WWOX: variants seen among roughly 807,000 people sequenced by gnomAD.
The protein encoded by WWOX is WW domain containing oxidoreductase, also known as WW domain-containing oxidoreductase.
WWOX carries 69 observed loss-of-function variants against 46.2 expected under a neutral mutation model. That is an observed-to-expected ratio of 1.49 (90% CI 1.23 to 1.82). The LOEUF is 1.82. Ranked by LOEUF, WWOX falls within the 40% of genes most tolerant of loss-of-function variation. The probability of loss-of-function intolerance (pLI) is 0.00; values close to 1 mark genes in which losing one functional copy is unlikely to be tolerated. For missense variants in WWOX, 919 were observed against 542.6 expected, an observed-to-expected ratio of 1.69 and a Z score of -6.89; for synonymous variants, 359 against 202.6, an observed-to-expected ratio of 1.77 and a Z score of -6.56.
intron 5 of WWOX, among the ~76,000 whole-genome samples, chr16:78,234,989 C>T (rs1202305133): frequency 1.3e-5 from 2 of 151,700 alleles, no homozygotes; most frequent in Admixed American, 6.6e-5. Context: ...GAAAACTTAA[C>T]AGTAGGTCCT....
At chr16:78,484,602 A>G (rs1350122119) in intron 8 of WWOX, among the ~76,000 whole-genome samples, 2 of 152,342 alleles carry the variant, frequency 1.3e-5, no homozygotes, top group East Asian at 3.9e-4. Flanking sequence ...ACAATTTAAT[A>G]ATTATCAAGG....
chr16:78,849,454 G>C (rs1330531559), intron 8 of WWOX, among the ~76,000 whole-genome samples: 1 of 151,356 alleles, frequency 6.6e-6, no homozygotes, highest in Non-Finnish European at 1.5e-5. Flanking sequence ...GGCGCCTGTA[G>C]TCCCAGCTAC....
intron 8 of WWOX, among the ~76,000 whole-genome samples, chr16:78,833,795 T>A (rs999398389): frequency 6.6e-6 from 1 of 152,238 alleles, no homozygotes; most frequent in African/African-American, 2.4e-5. Context: ...TCCGATAAAT[T>A]ACCCAGAGTC....
intron 5 of WWOX, among the ~76,000 whole-genome samples, chr16:78,190,707 T>A (rs2035857688): frequency 6.6e-6 from 1 of 152,146 alleles, no homozygotes. Context: ...CAAAAACCAC[T>A]TGGTATGAAA....
intron 8 of WWOX, among the ~76,000 whole-genome samples, chr16:78,767,782 A>G (rs768718555): frequency 1.3e-5 from 2 of 152,144 alleles, no homozygotes; most frequent in Non-Finnish European, 2.9e-5. Context: ...ACCTCCCTGC[A>G]GTGTTGATTC....
At chr16:78,317,588 AGTGT>A (rs34986286) in intron 5 of WWOX, among the ~76,000 whole-genome samples, 1 of 151,722 alleles carries the variant, frequency 6.6e-6, no homozygotes, top group South Asian at 2.1e-4. Flanking sequence ...TGTGACTGTG[AGTGT>A]GTGTGTGTGT....
At chr16:78,805,069 A>G (rs932505692) in intron 8 of WWOX, among the ~76,000 whole-genome samples, 1 of 152,224 alleles carries the variant, frequency 6.6e-6, no homozygotes, top group East Asian at 1.9e-4. Flanking sequence ...AAATAAAAGT[A>G]CTTTTCTGCA....
At chr16:78,879,653 G>A (rs1262886112) in intron 8 of WWOX, among the ~76,000 whole-genome samples, 7 of 152,234 alleles carry the variant, frequency 4.6e-5, no homozygotes, top group East Asian at 1.9e-4. Flanking sequence ...CGAGGCAGGC[G>A]GATCACCTAA....
intron 8 of WWOX, among the ~76,000 whole-genome samples, chr16:79,175,329 C>A (rs2050779410): frequency 6.6e-6 from 1 of 152,172 alleles, no homozygotes; most frequent in South Asian, 2.1e-4. Context: ...AAAGACTGAC[C>A]TTTTCACTTA....
intron 8 of WWOX, among the ~76,000 whole-genome samples, chr16:78,807,275 T>G (rs2051065709): frequency 1.3e-5 from 2 of 152,330 alleles, no homozygotes; most frequent in South Asian, 4.1e-4. Flanking sequence ...GGAAACAGAT[T>G]AACAACATCT....
intron 8 of WWOX, among the ~76,000 whole-genome samples, chr16:78,737,332 C>T (rs1295892952): frequency 1.3e-5 from 2 of 151,402 alleles, no homozygotes; most frequent in African/African-American, 4.9e-5. Flanking sequence ...GATGCGGTTT[C>T]ATCATGTTGA....
At chr16:78,692,799 A>C (rs947671967) in intron 8 of WWOX, among the ~76,000 whole-genome samples, 1 of 152,220 alleles carries the variant, frequency 6.6e-6, no homozygotes, top group Non-Finnish European at 1.5e-5. Flanking sequence ...ACCAGAGTTC[A>C]TTTGAAGTCA....
At chr16:79,085,027 G>A (rs973323306) in intron 8 of WWOX, among the ~76,000 whole-genome samples, 3 of 151,890 alleles carry the variant, frequency 2.0e-5, no homozygotes, top group Admixed American at 6.6e-5. Flanking sequence ...CTAGGCTTAA[G>A]CAATCCTCCC....
At chr16:78,825,455 C>G (rs980666301) in intron 8 of WWOX, 2 of 392,134 alleles carry the variant, frequency 5.1e-6, no homozygotes, top group Non-Finnish European at 1.0e-5. Context: ...AAAAATGTTC[C>G]TGGTGAGAAC....
At chr16:78,956,260 C>T (rs1041734003) in intron 8 of WWOX, among the ~76,000 whole-genome samples, 3 of 152,186 alleles carry the variant, frequency 2.0e-5, no homozygotes, top group South Asian at 2.1e-4. Flanking sequence ...ATTCTGCTGC[C>T]TCAGCCTCCT....
At chr16:78,768,001 A>C (rs1039795972) in intron 8 of WWOX, among the ~76,000 whole-genome samples, 1 of 152,024 alleles carries the variant, frequency 6.6e-6, no homozygotes, top group Non-Finnish European at 1.5e-5. Context: ...GTAAAAAGAA[A>C]ACGGTAATTG....
At chr16:78,831,949 A>C (rs981502714) in intron 8 of WWOX, among the ~76,000 whole-genome samples, 1 of 152,076 alleles carries the variant, frequency 6.6e-6, no homozygotes, top group African/African-American at 2.4e-5. Context: ...GGTGATAACT[A>C]CCTGTGTTGC....
chr16:79,070,467 C>T (rs2048529189), intron 8 of WWOX, among the ~76,000 whole-genome samples: 2 of 152,164 alleles, frequency 1.3e-5, no homozygotes, highest in Admixed American at 1.3e-4. Context: ...AGGATTTTTA[C>T]TCACCACCGA....
intron 2 of WWOX, 139 bp from the exon 3 acceptor site, chr16:78,109,639 G>T: frequency 1.3e-6 from 1 of 799,534 alleles, no homozygotes; most frequent in Non-Finnish European, 2.1e-6. Context: ...AACATGTGAC[G>T]AAAGCCAGTT....
Sources: allele counts gnomAD v4.1 joint callset (sites outside exome capture counted in the v4.1 genomes callset), GRCh38; gene constraint gnomAD v4.1.1; transcripts MANE v1.5; gene names NCBI Gene and HGNC (gene_info 2026-07-23, HGNC 2026-07-21).